Variants in PARP15 observed in about 807,000 individuals in gnomAD.
PARP15 encodes the protein protein mono-ADP-ribosyltransferase PARP15.
A neutral mutation model predicts 62.1 loss-of-function variants in PARP15; 50 were observed. The observed-to-expected ratio is 0.81, with a 90% CI of 0.64 to 1.02. The LOEUF is 1.02. PARP15 is among the 50% of genes least tolerant of loss of function. PARP15 has a pLI of 0.00. For missense variants in PARP15, 820 were observed against 826.5 expected (o/e 0.99, Z 0.10); for synonymous variants, 309 against 293.1 (o/e 1.05, Z -0.55).
chr3:122,628,168 T>C (rs1936849333), intron 9 of PARP15, among the ~76,000 whole-genome samples: 1 of 152,234 alleles, frequency 6.6e-6, no homozygotes, highest in Non-Finnish European at 1.5e-5. Flanking sequence ...GGAAAGAGTA[T>C]ATCCAGTGGA....
At chr3:122,587,328 G>A (rs1395135763) in intron 1 of PARP15, among the ~76,000 whole-genome samples, 4 of 152,300 alleles carry the variant, frequency 2.6e-5, no homozygotes, top group Middle Eastern at 3.4e-3. Context: ...CATGACTGCT[G>A]GATCATATGA....
intron 3 of PARP15, 64 bp downstream of exon 3, chr3:122,610,794 A>G (rs1224590111): frequency 2.9e-6 from 4 of 1,392,372 alleles, no homozygotes; most frequent in African/African-American, 2.9e-5. Flanking sequence ...CTGGTGTGGT[A>G]TAGATCTGTG....
chr3:122,630,307 T>A (rs1310092233), intron 9 of PARP15, among the ~76,000 whole-genome samples: 1 of 152,148 alleles, frequency 6.6e-6, no homozygotes, highest in Non-Finnish European at 1.5e-5. Context: ...GTAGATAGCA[T>A]GGTTTGGTGT....
chr3:122,635,777 A>G (rs901178030), intron 11 of PARP15, 34 bp from the exon 12 acceptor site: 18 of 1,582,600 alleles, frequency 1.1e-5, no homozygotes, highest in Non-Finnish European at 1.5e-5. Flanking sequence ...GTAATTTTAT[A>G]TTCTTAGGAA....
At chr3:122,616,738 T>G (rs1425814798) in intron 5 of PARP15, among the ~76,000 whole-genome samples, 2 of 152,142 alleles carry the variant, frequency 1.3e-5, no homozygotes, top group Non-Finnish European at 2.9e-5. Context: ...CCCCAGCAGC[T>G]CTTGCCAGTA....
chr3:122,592,910 C>T (rs903397897), intron 1 of PARP15, among the ~76,000 whole-genome samples: 4 of 152,162 alleles, frequency 2.6e-5, no homozygotes, highest in African/African-American at 9.7e-5. Flanking sequence ...AATTCAAAAT[C>T]AAATCTCTCT....
Position 122,613,102 on chromosome 3 carries a change from T to C in PARP15, c.605T>C (p.Ile202Thr). 1 of 1,551,854 alleles carries C rather than the reference T, an allele frequency of 6.4e-7. No homozygotes were observed. The change falls in exon 4 of 12, where the codon ATC (isoleucine) becomes ACC (threonine). Residue 202 changes from isoleucine to threonine, a missense_variant. Ile to Thr is a moderately conservative substitution (Grantham distance 89). Around this residue, in one of 3 missense-constraint regions of PARP15, gnomAD observed 731 missense variants for 727.7 expected, o/e 1.00. Transcript: ENST00000464300. Reference sequence around the variant, plus strand: ...GTAGAAGTGCTATCTTTCTCATCAATCACATTTCCCATGATTGGAACAGGA... The same window carrying C: ...GTAGAAGTGCTATCTTTCTCATCAACCACATTTCCCATGATTGGAACAGGA... The part of the protein sequence containing the change: ...TTVEVLSFSS[I>T]TFPMIGTGSL...
rs558832509 is a variant in PARP15, at chr3:122,625,259, G to T, written c.1232-1568G>T. ...GTTGTTGTTCTTTGTTTGTTTTTTT[G>T]TTGTTGTTTTTTGAGACAGTGTCTC... On this transcript the variant is annotated intron_variant, in intron 8 of 11. Coordinates refer to ENST00000464300, the MANE Select transcript of PARP15 (RefSeq NM_001113523.3). Among the ~76,000 whole-genome samples the T allele has an allele frequency of 4.4e-3, 667 of 151,826 alleles. 1 individual carries two copies. The highest frequency in any genetic ancestry group is 0.015 in the African/African-American group (632 of 41,402).
Position 122,626,909 on chromosome 3 carries a change from A to G in PARP15, c.1314A>G (p.Pro438=), listed in dbSNP as rs1936767892. 2 of 1,613,912 alleles carry G rather than the reference A, an allele frequency of 1.2e-6. No individual in the cohort carries two copies. The highest frequency in any genetic ancestry group is 1.7e-6 in the Non-Finnish European group (2 of 1,179,934). Residue 438 remains proline, a synonymous_variant, in exon 9 of 12, where the codon CCA becomes CCG. Coordinates refer to ENST00000464300, the MANE Select transcript of PARP15 (RefSeq NM_001113523.3). ...ACTTCTCATCACAACATTCCACCCC[A>G]TCATTAAAAACAGTTAAAGTTGTCA... is the stretch of plus-strand genomic sequence containing the variant. The part of the protein sequence containing the change: ...IVDFSSQHST[P]SLKTVKVVIF...
In PARP15 at chr3:122,629,093, T is replaced by C. The variant is rs887300631; in HGVS notation, c.1438+2060T>C. ...GTGGGATTGAAGTCCTTAAGTGTGATTGGCTTAAGTGTGAGAATAAACAGT... is the reference window on the plus strand; with the variant it reads ...GTGGGATTGAAGTCCTTAAGTGTGACTGGCTTAAGTGTGAGAATAAACAGT... On this transcript the variant is annotated intron_variant, in intron 9 of 11. Coordinates refer to ENST00000464300, the MANE Select transcript of PARP15 (RefSeq NM_001113523.3). 7.2e-5 allele frequency among the ~76,000 whole-genome samples: 11 copies of C among 152,290 alleles called. 1 individual carries two copies. The highest frequency in any genetic ancestry group is 1.5e-4 in the Non-Finnish European group (10 of 68,018).
intron 4 of PARP15, chr3:122,615,155 T>TA: frequency 8.7e-7 from 1 of 1,155,228 alleles, no homozygotes; most frequent in Non-Finnish European, 1.1e-6. Flanking sequence ...TGAAACTTTA[T>TA]AACTCTACTC....
At chr3:122,605,791 A>T (rs1935122675) in intron 1 of PARP15, 145 bp from the exon 2 acceptor site, 1 of 717,624 alleles carries the variant, frequency 1.4e-6, no homozygotes, top group Admixed American at 3.1e-5. Flanking sequence ...TATGTTGCCC[A>T]AGCTGTTCTT....
intron 9 of PARP15, among the ~76,000 whole-genome samples, chr3:122,627,397 G>A (rs1936803667): frequency 6.6e-6 from 1 of 152,148 alleles, no homozygotes; most frequent in Non-Finnish European, 1.5e-5. Context: ...ATATTGGTCT[G>A]CTAATCATCC....
rs1004956983 is a variant in PARP15, at chr3:122,638,758, C to A, written c.*2658C>A. 6.6e-6 allele frequency: 1 copy of A among 152,070 alleles called. No individual in the cohort carries two copies. Among genetic ancestry groups the A allele is most frequent in the African/African-American group, 2.4e-5 (1 of 41,414 alleles). The allele number at this position is 152,070 out of a possible 1,614,324, so 9.4% of individuals were successfully genotyped here. On this transcript the variant is annotated 3_prime_UTR_variant, in exon 12 of 12. Coordinates refer to ENST00000464300, the MANE Select transcript of PARP15 (RefSeq NM_001113523.3). ...TCTCCCATTCTGTAGGTTGCCTGTT[C>A]ACTCTGATGGTAGTTTCTTTTGTTG...
Position 122,632,116 on chromosome 3 carries a change from A to G in PARP15, c.1469A>G (p.Asn490Ser), listed in dbSNP as rs769701618. 31 of 1,613,934 alleles carry G rather than the reference A, an allele frequency of 1.9e-5. No homozygotes were observed. In the South Asian group the frequency reaches 3.3e-4, roughly 17 times the overall value. The change falls in exon 10 of 12, where the codon AAT (asparagine) becomes AGT (serine). Residue 490 changes from asparagine (N) to serine (S), a missense_variant. Asn to Ser is a conservative substitution (Grantham distance 46). Around this residue, in one of 3 missense-constraint regions of PARP15, gnomAD observed 731 missense variants for 727.7 expected, o/e 1.00. Coordinates refer to ENST00000464300, the MANE Select transcript of PARP15 (RefSeq NM_001113523.3). ...CNLPEHWTDM[N>S]HQLFCMVQLE... The stretch of plus-strand genomic sequence containing the variant: ...CTTCCTGAACACTGGACTGACATGA[A>G]TCATCAGCTGTTTTGCATGGTCCAG...
rs369250212 is a variant in PARP15, at chr3:122,619,394, A to G, written c.1001-387A>G. Among the ~76,000 whole-genome samples, 3 of 152,356 alleles carry G rather than the reference A, an allele frequency of 2.0e-5. 1 individual carries two copies. Among genetic ancestry groups the G allele is most frequent in the South Asian group, 4.1e-4 (2 of 4,834 alleles). On this transcript the variant is annotated intron_variant, in intron 6 of 11. Transcript: ENST00000464300. ...AGCAGGGCAGGGAATCAAAGAACTT[A>G]GTAAAGTGCTTGATTTTATTACAGT... is the stretch of plus-strand genomic sequence containing the variant.
Position 122,626,948 on chromosome 3 carries a change from G to A in PARP15, c.1353G>A (p.Glu451=). The part of the protein sequence containing the change: ...KTVKVVIFQP[E]LLNIFYDSMK... The stretch of plus-strand genomic sequence containing the variant: ...TTAAAGTTGTCATTTTTCAACCTGA[G>A]CTGCTAAATATATTCTACGACAGCA... The change falls in exon 9 of 12, where the codon GAG becomes GAA. Residue 451 remains glutamate, a synonymous_variant. Transcript: ENST00000464300. 1 of 1,613,926 alleles carries A rather than the reference G, an allele frequency of 6.2e-7. No homozygotes were observed. The highest frequency in any genetic ancestry group is 8.5e-7 in the Non-Finnish European group (1 of 1,179,982).
At chr3:122,607,501 AT>A (rs780089886) in intron 2 of PARP15, among the ~76,000 whole-genome samples, 1 of 152,206 alleles carries the variant, frequency 6.6e-6, no homozygotes, top group Non-Finnish European at 1.5e-5. Context: ...TAAACCACTT[AT>A]CCCCTGCCTT....
At position 122,631,599 on chromosome 3, in the gene PARP15, A is replaced by C. The variant is rs765302884; in HGVS notation, c.1439-487A>C. 1.2e-4 allele frequency among the ~76,000 whole-genome samples: 18 copies of C among 152,206 alleles called. 1 individual carries two copies. The highest frequency in any genetic ancestry group is 5.8e-4 in the East Asian group (3 of 5,200). ...CCTTATGGGAAAGCATTCTCTCAGC[A>C]CATCTGCTATTTTCTTTACATGGTG... On this transcript the variant is annotated intron_variant, in intron 9 of 11. Transcript: ENST00000464300.
Sources: gnomAD v4.1 joint callset for allele counts (sites outside exome capture counted in the v4.1 genomes callset) on GRCh38, gnomAD v4.1.1 for gene constraint, gnomAD v4.1.1 regional missense constraint, MANE v1.5 for transcripts, NCBI Gene and HGNC (gene_info 2026-07-23, HGNC 2026-07-21) for gene names.